The following SDSL variants were observed in gnomAD, a reference collection of about 807,000 sequenced individuals.
SDSL encodes the protein serine dehydratase like, also known as serine dehydratase-like.
In SDSL, 26 loss-of-function variants were observed where a neutral mutation model predicts 27.6. The observed-to-expected ratio is 0.94, with a 90% CI of 0.69 to 1.31. The LOEUF is 1.31. Among genes scored for constraint, SDSL ranks in the 50% most tolerant of loss-of-function variants. SDSL has a pLI of 0.00. For missense variants in SDSL, 431 were observed against 423.5 expected (o/e 1.02, Z -0.16); for synonymous variants, 196 against 180.6 (o/e 1.09, Z -0.69).
At chr12:113,426,817 T>C (rs148664542) in intron 1 of SDSL, among the ~76,000 whole-genome samples, 175 of 152,232 alleles carry the variant, frequency 1.1e-3, no homozygotes, top group African/African-American at 3.9e-3. Flanking sequence ...TGTGTGCCTG[T>C]AGTCCCAGCT....
At chr12:113,425,417 G>T (rs1306935641) in intron 1 of SDSL, among the ~76,000 whole-genome samples, 2 of 152,048 alleles carry the variant, frequency 1.3e-5, no homozygotes, top group African/African-American at 4.8e-5. Context: ...TCAAACTCAG[G>T]GCCAAGAGAC....
At chr12:113,426,022 T>A in intron 1 of SDSL, 1 of 386,168 alleles carries the variant, frequency 2.6e-6, no homozygotes, top group South Asian at 1.9e-5. Context: ...CACCACCACC[T>A]CCACCACCAC....
Position 113,428,412 on chromosome 12 carries a change from C to T in SDSL, c.175-8C>T, listed in dbSNP as rs1957877438. On this transcript the variant is annotated splice_polypyrimidine_tract_variant and splice_region_variant and intron_variant, in intron 2 of 7. Transcript: ENST00000403593. The stretch of plus-strand genomic sequence containing the variant: ...GTTAGCCGCTAACCCCATTCCTTCT[C>T]TTCCCAGATGGCCAAGAAGGGATGC... 6.2e-7 allele frequency: 1 copy of T among 1,611,360 alleles called. No homozygotes were observed. Among genetic ancestry groups the T allele is most frequent in the South Asian group, 1.1e-5 (1 of 90,600 alleles).
intron 6 of SDSL, among the ~76,000 whole-genome samples, chr12:113,436,460 G>A (rs139038872): frequency 0.012 from 1,757 of 152,178 alleles, 17 homozygotes; most frequent in Middle Eastern, 0.037. Flanking sequence ...GGATAATTTT[G>A]TATTTTTAGT....
chr12:113,438,003 T>A lies in SDSL; in HGVS notation c.914T>A (p.Val305Glu). Residue 305 changes from valine (V) to glutamate (E), a missense_variant, in exon 8 of 8, where the codon GTG becomes GAG. By Grantham distance (121) the Val-to-Glu change is moderately radical (BLOSUM62 -2). Transcript: ENST00000403593. ...GCLPPSLTSV[V>E]VIVCGGNNIN... ...CTGCCCCCTTCCCTGACTTCAGTTG[T>A]GGTAATCGTGTGTGGAGGCAACAAC... The A allele has an allele frequency of 6.2e-7, 1 of 1,614,074 alleles. No individual in the cohort carries two copies. The highest frequency in any genetic ancestry group is 1.1e-5 in the South Asian group (1 of 91,080).
chr12:113,437,952 T>G lies in SDSL; in HGVS notation c.863T>G (p.Leu288Arg). Residue 288 changes from leucine (L) to arginine (R), a missense_variant, in exon 8 of 8, where the codon CTG (leucine) becomes CGG (arginine). Coordinates refer to ENST00000403593, the MANE Select transcript of SDSL (RefSeq NM_001304993.2). ...AALAAIYSGL[L>R]RRLQAEGCLP... ...TTAGCAGCCATCTACTCAGGCCTCC[T>G]GCGGAGGCTCCAGGCCGAGGGCTGC... 6.2e-7 allele frequency: 1 copy of G among 1,614,010 alleles called. No individual in the cohort carries two copies.
At position 113,437,962 on chromosome 12, in the gene SDSL, C is replaced by G. The variant is rs1958020863; in HGVS notation, c.873C>G (p.Leu291=). The change falls in exon 8 of 8, where the codon CTC becomes CTG. Residue 291 remains leucine (L), a synonymous_variant. Coordinates refer to ENST00000403593, the MANE Select transcript of SDSL (RefSeq NM_001304993.2). ...AAIYSGLLRR[L]QAEGCLPPSL... ...TCTACTCAGGCCTCCTGCGGAGGCTCCAGGCCGAGGGCTGCCTGCCCCCTT... is the reference window on the plus strand; with the variant it reads ...TCTACTCAGGCCTCCTGCGGAGGCTGCAGGCCGAGGGCTGCCTGCCCCCTT... The G allele has an allele frequency of 1.2e-6, 2 of 1,613,982 alleles. No individual in the cohort carries two copies. The highest frequency in any genetic ancestry group is 8.5e-7 in the Non-Finnish European group (1 of 1,179,950).
chr12:113,432,278 T>TC (rs1565879228), intron 4 of SDSL, among the ~76,000 whole-genome samples: 3 of 73,560 alleles, frequency 4.1e-5, no homozygotes, highest in Admixed American at 2.8e-4. Context: ...CTTTCTTTCT[T>TC]TCTTTCTTTC....
chr12:113,429,920 C>T (rs374500038), intron 4 of SDSL, among the ~76,000 whole-genome samples: 1 of 151,084 alleles, frequency 6.6e-6, no homozygotes, highest in South Asian at 2.1e-4. Flanking sequence ...CCTTCCTTCC[C>T]TCCCTCTCTT....
chr12:113,426,306 A>C (rs1957850837), intron 1 of SDSL: 9 of 454,864 alleles, frequency 2.0e-5, no homozygotes, highest in South Asian at 1.4e-4. Flanking sequence ...GTACAGATGG[A>C]GGCAGAGTTA....
At chr12:113,431,003 C>T (rs1957915241) in intron 4 of SDSL, among the ~76,000 whole-genome samples, 1 of 152,168 alleles carries the variant, frequency 6.6e-6, no homozygotes, top group African/African-American at 2.4e-5. Context: ...ATGGGCTGTG[C>T]CTTAGATTTG....
In SDSL at chr12:113,436,779, G is replaced by A. The variant is rs1043262271; in HGVS notation, c.700G>A (p.Val234Met). ...SVAKSLGAKT[V>M]AARALECMQV... Reference sequence around the variant, plus strand: ...GGCCAAGAGCCTGGGTGCCAAGACGGTGGCCGCTCGGGCCCTGGAGTGCAT... The same window carrying A: ...GGCCAAGAGCCTGGGTGCCAAGACGATGGCCGCTCGGGCCCTGGAGTGCAT... Residue 234 changes from valine to methionine, a missense_variant, in exon 7 of 8, where the codon GTG (valine) becomes ATG (methionine). Coordinates refer to ENST00000403593, the MANE Select transcript of SDSL (RefSeq NM_001304993.2). 6.2e-7 allele frequency: 1 copy of A among 1,610,492 alleles called. No individual in the cohort carries two copies. Among genetic ancestry groups the A allele is most frequent in the Non-Finnish European group, 8.5e-7 (1 of 1,179,378 alleles).
chr12:113,429,193 C>T lies in SDSL; in HGVS notation c.248C>T (p.Ala83Val). 1.2e-6 allele frequency: 2 copies of T among 1,613,880 alleles called. No homozygotes were observed. Among genetic ancestry groups the T allele is most frequent in the Non-Finnish European group, 1.7e-6 (2 of 1,179,872 alleles). Residue 83 changes from alanine (A) to valine (V), a missense_variant, in exon 4 of 8, where the codon GCT becomes GTT. Physicochemically the swap from Ala to Val is moderately conservative, Grantham distance 64. Coordinates refer to ENST00000403593, the MANE Select transcript of SDSL (RefSeq NM_001304993.2). ...GNAGIAAAYA[A>V]RKLGIPATIV... ...GCGGGCATCGCTGCTGCCTATGCTG[C>T]TAGGAAGCTGGGCATTCCTGCCACC... is the stretch of plus-strand genomic sequence containing the variant.
chr12:113,432,226 T>G (rs1310166481), intron 4 of SDSL, among the ~76,000 whole-genome samples: 3 of 29,462 alleles, frequency 1.0e-4, no homozygotes, highest in Non-Finnish European at 1.7e-4. Context: ...CTTTCTTTCT[T>G]TCTTTCTTTC....
rs750425620 is a variant in SDSL at position 113,437,934 on chromosome 12, C to G, written c.845C>G (p.Ala282Gly). 4 of 1,613,634 alleles carry G rather than the reference C, an allele frequency of 2.5e-6. No homozygotes were observed. Among genetic ancestry groups the G allele is most frequent in the Non-Finnish European group, 3.4e-6 (4 of 1,179,812 alleles). The change falls in exon 8 of 8, where the codon GCC (alanine) becomes GGC (glycine). Residue 282 changes from alanine to glycine, a missense_variant. Coordinates refer to ENST00000403593, the MANE Select transcript of SDSL (RefSeq NM_001304993.2). ...VEPACGAALA[A>G]IYSGLLRRLQ... ...CCTGCCTGTGGGGCAGCCTTAGCAG[C>G]CATCTACTCAGGCCTCCTGCGGAGG...
chr12:113,429,366 A>G, intron 4 of SDSL, 67 bp downstream of exon 4: 1 of 1,509,146 alleles, frequency 6.6e-7, no homozygotes, highest in Admixed American at 1.8e-5. Flanking sequence ...CCCACCCCTA[A>G]GACATCCTGT....
chr12:113,425,798 G>A (rs752422813), intron 1 of SDSL: 6 of 443,102 alleles, frequency 1.4e-5, no homozygotes, highest in South Asian at 9.6e-5. Flanking sequence ...TTTGAGACCA[G>A]CCAACATGGT....
intron 1 of SDSL, chr12:113,426,410 C>T (rs2136949418): frequency 3.0e-6 from 1 of 332,200 alleles, no homozygotes; most frequent in Admixed American, 3.9e-5. Context: ...ACAGAATCAG[C>T]CACTGATCAT....
At chr12:113,426,630 G>T (rs2136949650) in intron 1 of SDSL, among the ~76,000 whole-genome samples, 2 of 152,224 alleles carry the variant, frequency 1.3e-5, no homozygotes, top group Middle Eastern at 6.8e-3. Context: ...GAAACCATAT[G>T]GTTACATATA....
Sources: gnomAD v4.1 joint callset for allele counts (sites outside exome capture counted in the v4.1 genomes callset) on GRCh38, gnomAD v4.1.1 for gene constraint, MANE v1.5 for transcripts, NCBI Gene and HGNC (gene_info 2026-07-23, HGNC 2026-07-21) for gene names.